Variants in CLIC5 observed in about 807,000 individuals in gnomAD.
The protein encoded by CLIC5 is CLIC family member 5.
In CLIC5, 20 loss-of-function variants were observed where a neutral mutation model predicts 24.7. The observed-to-expected ratio is 0.81, with a 90% CI of 0.57 to 1.18. CLIC5 has a LOEUF of 1.18. CLIC5 is among the 50% of genes most tolerant of loss of function. CLIC5 has a pLI of 0.00. For synonymous variants in CLIC5, 159 were observed against 135.6 expected (o/e 1.17, Z -1.20); for missense variants, 341 against 326.1 (o/e 1.05, Z -0.35).
the CLIC5 span, among the ~76,000 whole-genome samples, chr6:46,103,659 G>A: frequency 1.3e-5 from 2 of 152,260 alleles, no homozygotes; most frequent in South Asian, 4.2e-4. Flanking sequence ...TAACTCCATT[G>A]GAGGGTGGGG....
the CLIC5 span, among the ~76,000 whole-genome samples, chr6:46,093,599 G>A: frequency 3.9e-5 from 6 of 152,170 alleles, no homozygotes; most frequent in African/African-American, 1.4e-4. Context: ...CCACTAATAT[G>A]GCTAAAATTA....
chr6:45,967,767 T>A (rs1432602121), intron 1 of CLIC5, among the ~76,000 whole-genome samples: 1 of 152,066 alleles, frequency 6.6e-6, no homozygotes, highest in East Asian at 1.9e-4. Flanking sequence ...GAGCAGGCAC[T>A]TTCCATGGCA....
chr6:45,951,790 A>G (rs746762532), intron 2 of CLIC5, among the ~76,000 whole-genome samples: 2 of 152,122 alleles, frequency 1.3e-5, no homozygotes, highest in African/African-American at 4.8e-5. Context: ...AAACAGTGGG[A>G]GTAGAGGAGT....
intron 1 of CLIC5, among the ~76,000 whole-genome samples, chr6:45,989,006 T>G (rs758335631): frequency 6.6e-6 from 1 of 152,206 alleles, no homozygotes; most frequent in Non-Finnish European, 1.5e-5. Context: ...CCTTCCCAGG[T>G]AGCAGCATGA....
rs754528333 is a variant in CLIC5, at chr6:45,949,300, G to A, written c.255C>T (p.Val85=). 3 of 1,613,920 alleles carry A rather than the reference G, an allele frequency of 1.9e-6. No individual in the cohort carries two copies. Among genetic ancestry groups the A allele is most frequent in the South Asian group, 2.2e-5 (2 of 91,058 alleles). The part of the protein sequence containing the change: ...LTFNGDVKTD[V]NKIEEFLEET... ...CCTCCAGGAACTCCTCGATCTTATT[G>A]ACGTCTGTCTTCACGTCCCCGTTGA... The change falls in exon 3 of 6, where the codon GTC becomes GTT. Residue 85 remains valine (V), a synonymous_variant. Coordinates refer to ENST00000339561, the MANE Select transcript of CLIC5 (RefSeq NM_016929.5).
At position 45,914,248 on chromosome 6, in the gene CLIC5, G is replaced by A. The variant is rs534476227; in HGVS notation, c.568C>T (p.Pro190Ser). Residue 190 changes from proline (P) to serine (S), a missense_variant, in exon 5 of 6, where the codon CCC becomes TCC. Transcript: ENST00000339561. Reference protein sequence around the residue: ...ELTLADCNLLPKLHVVKIVAK... With the variant: ...ELTLADCNLLSKLHVVKIVAK... ...CTTACCTTGACCACATGGAGCTTGG[G>A]CAACAGATTGCAGTCAGCCAGGGTC... 1.2e-6 allele frequency: 2 copies of A among 1,600,328 alleles called. No homozygotes were observed. The highest frequency in any genetic ancestry group is 2.2e-5 in the East Asian group (1 of 44,478).
At chr6:46,128,998 C>T in the CLIC5 span, among the ~76,000 whole-genome samples, 2 of 152,176 alleles carry the variant, frequency 1.3e-5, no homozygotes, top group Non-Finnish European at 2.9e-5. Flanking sequence ...ATCTAAGGTC[C>T]AGTACTGCAG....
chr6:46,108,320 CA>C, the CLIC5 span, among the ~76,000 whole-genome samples: 11 of 144,104 alleles, frequency 7.6e-5, no homozygotes, highest in African/African-American at 1.5e-4. Context: ...ATATAAACTG[CA>C]AAAAAAAAGG....
chr6:46,114,282 G>T, the CLIC5 span, among the ~76,000 whole-genome samples: 1 of 152,164 alleles, frequency 6.6e-6, no homozygotes, highest in African/African-American at 2.4e-5. Context: ...CCCATACCAG[G>T]GTTGTGGGAT....
intron 4 of CLIC5, among the ~76,000 whole-genome samples, chr6:45,933,286 C>T (rs1469526162): frequency 6.6e-6 from 1 of 152,160 alleles, no homozygotes; most frequent in Admixed American, 6.5e-5. Context: ...CTGGTAACCA[C>T]GTTTGAGCTT....
chr6:46,085,258 C>G (rs1367406425), upstream of CLIC5, among the ~76,000 whole-genome samples: 1 of 152,162 alleles, frequency 6.6e-6, no homozygotes, highest in Non-Finnish European at 1.5e-5. Flanking sequence ...TCGTCTGAAG[C>G]CTTCTTCTCT....
intron 5 of CLIC5, among the ~76,000 whole-genome samples, chr6:45,905,525 T>G (rs1269198161): frequency 1.3e-5 from 2 of 151,976 alleles, no homozygotes; most frequent in Non-Finnish European, 2.9e-5. Flanking sequence ...TATTATGTCT[T>G]TTTTTGAGAA....
At chr6:45,934,940 C>T (rs1186557343) in intron 4 of CLIC5, among the ~76,000 whole-genome samples, 1 of 152,070 alleles carries the variant, frequency 6.6e-6, no homozygotes, top group East Asian at 1.9e-4. Context: ...TAATTACCTG[C>T]CATATGCGAT....
At chr6:46,054,136 G>A (rs1396595580) in intron 1 of CLIC5, among the ~76,000 whole-genome samples, 1 of 152,128 alleles carries the variant, frequency 6.6e-6, no homozygotes, top group Non-Finnish European at 1.5e-5. Context: ...AGACTTGTGT[G>A]TTCCTTCACA....
intron 6 of CLIC5, among the ~76,000 whole-genome samples, chr6:45,889,315 A>G (rs1292545250): frequency 1.3e-5 from 2 of 152,118 alleles, no homozygotes; most frequent in African/African-American, 2.4e-5. Flanking sequence ...TTATAAGGGC[A>G]TTAATCCTAT....
At chr6:46,026,331 T>C (rs1253906709) in intron 1 of CLIC5, among the ~76,000 whole-genome samples, 2 of 152,192 alleles carry the variant, frequency 1.3e-5, no homozygotes, top group Non-Finnish European at 2.9e-5. Flanking sequence ...TCCTTATATA[T>C]GCATCGCTCT....
chr6:46,030,411 T>C (rs1767464272), intron 1 of CLIC5, among the ~76,000 whole-genome samples: 4 of 152,150 alleles, frequency 2.6e-5, no homozygotes, highest in Admixed American at 2.6e-4. Flanking sequence ...CATAGAACCT[T>C]CCTAACTGCT....
chr6:46,111,529 T>C, the CLIC5 span, among the ~76,000 whole-genome samples: 1 of 152,230 alleles, frequency 6.6e-6, no homozygotes, highest in Admixed American at 6.5e-5. Context: ...TCAATTGACC[T>C]GATCTATTCT....
chr6:46,021,184 A>G (rs1444570442), intron 1 of CLIC5, among the ~76,000 whole-genome samples: 1 of 152,130 alleles, frequency 6.6e-6, no homozygotes, highest in Non-Finnish European at 1.5e-5. Flanking sequence ...AAACACATGA[A>G]AATATGCTCA....
Sources: gnomAD v4.1 joint callset for allele counts (sites outside exome capture counted in the v4.1 genomes callset) on GRCh38, gnomAD v4.1.1 for gene constraint, MANE v1.5 for transcripts, NCBI Gene and HGNC (gene_info 2026-07-23, HGNC 2026-07-21) for gene names.